Variants in BUB1 observed in about 807,000 individuals in gnomAD.
BUB1 encodes BUB1 mitotic checkpoint serine/threonine kinase.
BUB1 carries 84 observed loss-of-function variants against 135.2 expected under a neutral mutation model. The ratio of observed to expected loss-of-function variants is 0.62; its 90% CI spans 0.52 to 0.74. The LOEUF is 0.74. Among genes scored for constraint, BUB1 ranks in the 30% least tolerant of loss-of-function variants. BUB1 has a pLI of 0.00. For synonymous variants in BUB1, 403 were observed against 434.4 expected, an observed-to-expected ratio of 0.93 and a Z score of 0.90; for missense variants, 1,162 against 1,288.3, an observed-to-expected ratio of 0.90 and a Z score of 1.50.
chr2:110,668,011 G>A (rs1690311844), intron 6 of BUB1, among the ~76,000 whole-genome samples, 162 bp from the exon 7 acceptor site: 1 of 152,246 alleles, frequency 6.6e-6, no homozygotes, highest in South Asian at 2.1e-4. Flanking sequence ...AAGATTGTTT[G>A]TATCAACAAC....
At chr2:110,655,123 T>G (rs1327119517) in intron 16 of BUB1, among the ~76,000 whole-genome samples, 1 of 152,182 alleles carries the variant, frequency 6.6e-6, no homozygotes, top group Non-Finnish European at 1.5e-5. Context: ...AGGATTCAAT[T>G]CAGATATATG....
chr2:110,661,520 T>C (rs1690082004), intron 10 of BUB1, 62 bp downstream of exon 10: 5 of 1,555,632 alleles, frequency 3.2e-6, no homozygotes, highest in South Asian at 2.4e-5. Flanking sequence ...ATGCAGGTCA[T>C]GTAAAGAAGG....
At chr2:110,638,266 A>G in intron 24 of BUB1, 107 bp from the exon 25 acceptor site, 1 of 766,676 alleles carries the variant, frequency 1.3e-6, no homozygotes, top group Non-Finnish European at 2.0e-6. Flanking sequence ...TAGTATAACA[A>G]CTCTCACCTA....
chr2:110,662,375 C>T (rs58859153), intron 9 of BUB1, among the ~76,000 whole-genome samples: 2,980 of 152,276 alleles, frequency 0.02, 100 homozygotes, highest in African/African-American at 0.069. Context: ...GGAAGCATAA[C>T]AAGCTCTAAA....
chr2:110,677,948 A>AC (rs1559178176), intron 1 of BUB1, 22 bp downstream of exon 1: 1 of 1,605,192 alleles, frequency 6.2e-7, no homozygotes, highest in East Asian at 2.3e-5. Context: ...GGGCTTCCCC[A>AC]CCCCACCAGA....
intron 1 of BUB1, chr2:110,675,306 A>G (rs1257091117): frequency 6.6e-6 from 1 of 152,228 alleles, no homozygotes; most frequent in Non-Finnish European, 1.5e-5. Context: ...AAGGGTGAGA[A>G]TGTGATGAGT....
intron 17 of BUB1, 73 bp from the exon 18 acceptor site, chr2:110,650,857 A>G: frequency 7.3e-7 from 1 of 1,370,066 alleles, no homozygotes; most frequent in Non-Finnish European, 1.0e-6. Flanking sequence ...GTCACATGAA[A>G]TTCCCTTCTC....
In BUB1 at chr2:110,650,650, A is replaced by G. The variant is rs2104527333; in HGVS notation, c.2099T>C (p.Leu700Pro). ...EAELGVEACR[L>P]TDTDAAIAED... Reference sequence around the variant, plus strand: ...TGCAATGGCAGCGTCAGTGTCTGTGAGTCTGCAAGCCTCAACGCCCAACTC... The same window carrying G: ...TGCAATGGCAGCGTCAGTGTCTGTGGGTCTGCAAGCCTCAACGCCCAACTC... Residue 700 changes from leucine to proline, a missense_variant, in exon 18 of 25, where the codon CTC becomes CCC. By Grantham distance (98) the Leu-to-Pro change is moderately conservative. Coordinates refer to ENST00000302759, the MANE Select transcript of BUB1 (RefSeq NM_004336.5). 6.2e-7 allele frequency: 1 copy of G among 1,613,966 alleles called. No homozygotes were observed. The highest frequency in any genetic ancestry group is 2.2e-5 in the East Asian group (1 of 44,876).
At position 110,667,687 on chromosome 2, in the gene BUB1, C is replaced by A; in HGVS notation, c.639G>T (p.Thr213=). 1.2e-6 allele frequency: 2 copies of A among 1,612,948 alleles called. No individual in the cohort carries two copies. The highest frequency in any genetic ancestry group is 1.7e-6 in the Non-Finnish European group (2 of 1,179,654). ...GCACAGAATATTCTGATTTAGAAAT[C>A]GTGATCACTCTTCGTTCCCTACAAT... ...KESNMERRVI[T]ISKSEYSVHS... is the part of the protein sequence containing the mutation. The change falls in exon 8 of 25, where the codon ACG becomes ACT. Residue 213 remains threonine, a synonymous_variant. Transcript: ENST00000302759.
intron 9 of BUB1, among the ~76,000 whole-genome samples, chr2:110,662,147 A>G (rs1690117949): frequency 6.6e-6 from 1 of 152,148 alleles, no homozygotes; most frequent in African/African-American, 2.4e-5. Flanking sequence ...ATTTCTCTTT[A>G]CTTAATTTTG....
chr2:110,638,107 G>T lies in BUB1; in HGVS notation c.3115C>A (p.Pro1039Thr). 3 of 1,606,818 alleles carry T rather than the reference G, an allele frequency of 1.9e-6. No individual in the cohort carries two copies. The highest frequency in any genetic ancestry group is 2.5e-6 in the Non-Finnish European group (3 of 1,177,960). ...NEFFHVMLNIPDCHHLPSLDL... is the reference protein window; with the variant it reads ...NEFFHVMLNITDCHHLPSLDL... ...AAAGATGGAAGATGATGACAATCTGGAATATTCAACATAACATGAAAAAAT... is the reference window on the plus strand; with the variant it reads ...AAAGATGGAAGATGATGACAATCTGTAATATTCAACATAACATGAAAAAAT... The change falls in exon 25 of 25, where the codon CCA becomes ACA. Residue 1039 changes from proline to threonine, a missense_variant. Pro to Thr is a conservative substitution (Grantham distance 38, BLOSUM62 -1). Transcript: ENST00000302759.
rs751339951 is a variant in BUB1, at chr2:110,669,429, A to C, written c.567+24T>G. 3 of 1,517,894 alleles carry C rather than the reference A, an allele frequency of 2.0e-6. No homozygotes were observed. The South Asian group carries it at 3.4e-5, about 17-fold the overall frequency. 94.0% of individuals were successfully genotyped at this position (1,517,894 alleles called of 1,614,324 possible). On this transcript the variant is annotated intron_variant, in intron 6 of 24. Coordinates refer to ENST00000302759, the MANE Select transcript of BUB1 (RefSeq NM_004336.5). ...ATTCAATACCATTCCCAGTTTCCAC[A>C]CAAGCTACAAATGTCATTATTACCT...
intron 4 of BUB1, among the ~76,000 whole-genome samples, chr2:110,670,881 G>A (rs1690401054): frequency 8.5e-5 from 13 of 152,184 alleles, no homozygotes; most frequent in Admixed American, 8.5e-4. Context: ...AACACAGGAT[G>A]TTTGACCTCC....
intron 8 of BUB1, 108 bp from the exon 9 acceptor site, chr2:110,666,522 T>C: frequency 1.2e-6 from 1 of 838,242 alleles, no homozygotes; most frequent in Non-Finnish European, 1.6e-6. Context: ...GATTTTTTTA[T>C]TAGTCTTTCT....
Position 110,661,874 on chromosome 2 carries a change from A to C in BUB1, c.958-33T>G. 1.9e-6 allele frequency: 3 copies of C among 1,606,650 alleles called. No individual in the cohort carries two copies. The South Asian group carries it at 3.3e-5, about 18-fold the overall frequency. On this transcript the variant is annotated intron_variant, in intron 9 of 24. Transcript: ENST00000302759. ...ATTAAACAAACAAACAACAAAAACA[A>C]AACCATGAAGTCCAGAATACTACTA...
chr2:110,653,907 A>C (rs1689850825), intron 16 of BUB1, among the ~76,000 whole-genome samples: 1 of 152,150 alleles, frequency 6.6e-6, no homozygotes, highest in African/African-American at 2.4e-5. Context: ...CAAGAGGCTG[A>C]GGTAGGAGGA....
rs866894405 is a variant in BUB1, at chr2:110,650,774, CTTGAA to C, written c.1970_1974del (p.Ile657ArgfsTer32). On this transcript the variant is annotated frameshift_variant, in exon 18 of 25. Transcript: ENST00000302759. LOFTEE classifies it high-confidence loss of function. The stretch of plus-strand genomic sequence containing the variant: ...GACAAGGCCTGTTTTGGGCTTTTCT[CTTGAA>C]TTGGACTGGACGTGTGAAAGGAATA... The C allele has an allele frequency of 6.2e-7, 1 of 1,613,820 alleles. No homozygotes were observed. The highest frequency in any genetic ancestry group is 1.7e-5 in the Admixed American group (1 of 59,972).
chr2:110,672,124 G>A (rs1321636390), intron 4 of BUB1, among the ~76,000 whole-genome samples: 1 of 152,172 alleles, frequency 6.6e-6, no homozygotes, highest in African/African-American at 2.4e-5. Context: ...CTAGTCAAGA[G>A]GCTGAGGCAG....
intron 17 of BUB1, 57 bp from the exon 18 acceptor site, chr2:110,650,841 G>T: frequency 6.8e-7 from 1 of 1,471,004 alleles, no homozygotes; most frequent in East Asian, 2.3e-5. Flanking sequence ...AAATCTGTTG[G>T]ATTCAGTCAC....
Sources: allele counts gnomAD v4.1 joint callset (sites outside exome capture counted in the v4.1 genomes callset), GRCh38; gene constraint gnomAD v4.1.1; transcripts MANE v1.5; gene names NCBI Gene and HGNC (gene_info 2026-07-23, HGNC 2026-07-21).